Variants in DZANK1 observed in about 807,000 individuals in gnomAD.
DZANK1 encodes double zinc ribbon and ankyrin repeat-containing protein 1.
Under a neutral mutation model 94.5 loss-of-function variants are expected in DZANK1, and 91 were observed. The ratio of observed to expected loss-of-function variants is 0.96; its 90% confidence interval spans 0.81 to 1.15. The LOEUF (loss-of-function observed/expected upper bound fraction) is 1.15, where lower values mean the gene tolerates loss of function less well. Ranked by LOEUF, DZANK1 falls within the 50% of genes most tolerant of loss-of-function variation. The pLI, the probability that DZANK1 is intolerant of heterozygous loss-of-function variation, is 0.00. For missense variants in DZANK1, 903 were observed against 916.4 expected (o/e 0.99, Z 0.19); for synonymous variants, 312 against 325.3 (o/e 0.96, Z 0.44).
At position 18,464,570 on chromosome 20, in the gene DZANK1, C is replaced by A. The variant is rs1168853214; in HGVS notation, c.109+680G>T. Among the ~76,000 whole-genome samples the A allele has an allele frequency of 2.0e-5, 3 of 151,724 alleles. No homozygotes were observed. The South Asian group carries it at 6.2e-4, about 32-fold the overall frequency. On this transcript the variant is annotated intron_variant, in intron 2 of 20. Coordinates refer to ENST00000262547, the Ensembl canonical transcript of DZANK1. ...GAAGTTGTCAAGGCAGGGATTAAGT[C>A]TCCAACCTGTCTGACTGGAAAGCCT... is the stretch of plus-strand genomic sequence containing the variant.
intron 3 of DZANK1, among the ~76,000 whole-genome samples, chr20:18,457,652 C>T: frequency 6.6e-6 from 1 of 152,178 alleles, no homozygotes; most frequent in East Asian, 1.9e-4. Context: ...CATGGCCCAA[C>T]CTGACTGGCC....
At chr20:18,417,202 G>T (rs911369956) in intron 10 of DZANK1, among the ~76,000 whole-genome samples, 1 of 152,186 alleles carries the variant, frequency 6.6e-6, no homozygotes, top group Admixed American at 6.5e-5. Context: ...CATTCAGATA[G>T]AAATACAATT....
At chr20:18,397,975 T>A (rs1306355375) in intron 14 of DZANK1, among the ~76,000 whole-genome samples, 1 of 152,148 alleles carries the variant, frequency 6.6e-6, no homozygotes. Flanking sequence ...AGTCAAACAG[T>A]CACAGACCCG....
At chr20:18,433,834 AAG>A (rs1463179372) in intron 8 of DZANK1, 69 bp from the exon 9 acceptor site, 1 of 1,393,462 alleles carries the variant, frequency 7.2e-7, no homozygotes, top group Non-Finnish European at 1.0e-6. Context: ...CTTAGAATGT[AAG>A]GTTTGGTCTA....
At chr20:18,415,507 C>A in intron 10 of DZANK1, 58 bp from the exon 11 acceptor site, 1 of 1,319,796 alleles carries the variant, frequency 7.6e-7, no homozygotes, top group Non-Finnish European at 9.8e-7. Flanking sequence ...TAATCCCCCT[C>A]CCAATTCAAA....
intron 13 of DZANK1, among the ~76,000 whole-genome samples, chr20:18,411,169 T>C (rs1159179848): frequency 6.6e-6 from 1 of 151,982 alleles, no homozygotes; most frequent in African/African-American, 2.4e-5. Context: ...TTTAGTGAAA[T>C]ACAGAATATA....
intron 13 of DZANK1, among the ~76,000 whole-genome samples, chr20:18,408,661 G>T (rs1222981224): frequency 6.6e-6 from 1 of 152,178 alleles, no homozygotes; most frequent in African/African-American, 2.4e-5. Flanking sequence ...AATAGTATAT[G>T]TCTGGCAAAA....
chr20:18,384,971 T>TCACCACAGG, intron 20 of DZANK1, 45 bp downstream of exon 20: 1 of 1,514,368 alleles, frequency 6.6e-7, no homozygotes, highest in Non-Finnish European at 9.0e-7. Context: ...ATTAGGGAGA[T>TCACCACAGG]CCCTGTGGCC....
At chr20:18,439,144 T>C (rs2058638475) in intron 8 of DZANK1, among the ~76,000 whole-genome samples, 1 of 152,226 alleles carries the variant, frequency 6.6e-6, no homozygotes, top group Non-Finnish European at 1.5e-5. Context: ...AGTGGTGTTC[T>C]GAATCTCTAA....
intron 8 of DZANK1, among the ~76,000 whole-genome samples, chr20:18,439,633 A>T (rs1252018641): frequency 6.6e-6 from 1 of 152,158 alleles, no homozygotes; most frequent in African/African-American, 2.4e-5. Flanking sequence ...AACTCCTCTA[A>T]ATAGCAGCAT....
chr20:18,397,161 T>C (rs1479537893), intron 14 of DZANK1, among the ~76,000 whole-genome samples: 3 of 152,176 alleles, frequency 2.0e-5, no homozygotes, highest in African/African-American at 4.8e-5. Context: ...TTTATAAAAT[T>C]GGGCAGCGGG....
At chr20:18,392,289 T>C (rs192803389) in intron 17 of DZANK1, among the ~76,000 whole-genome samples, 1 of 152,300 alleles carries the variant, frequency 6.6e-6, no homozygotes, top group Admixed American at 6.5e-5. Context: ...AATCCTAAAA[T>C]ACAAAAGTTG....
chr20:18,454,979 G>A (rs1265047564), intron 4 of DZANK1, among the ~76,000 whole-genome samples: 3 of 152,184 alleles, frequency 2.0e-5, no homozygotes, highest in Non-Finnish European at 4.4e-5. Flanking sequence ...AAAGGTTTCT[G>A]GTTTTTTCAG....
At chr20:18,456,483 G>A (rs549612790) in intron 3 of DZANK1, among the ~76,000 whole-genome samples, 1 of 152,296 alleles carries the variant, frequency 6.6e-6, no homozygotes, top group South Asian at 2.1e-4. Context: ...TTCAGTCAAT[G>A]TAATGTACAC....
At chr20:18,451,306 A>G (rs543755815) in intron 6 of DZANK1, among the ~76,000 whole-genome samples, 7 of 152,222 alleles carry the variant, frequency 4.6e-5, no homozygotes, top group Non-Finnish European at 7.4e-5. Context: ...TGAATTTCCA[A>G]TTGTCTGTCT....
In DZANK1 at chr20:18,384,427, GT is replaced by G. The variant is rs762396038; in HGVS notation, c.2230del (p.Thr744LeufsTer54). ...ACAGTCATCCAGGCTGAGGCTCCTA[GT>G]TTGAGCGAGTTGGTCCTCAAGCCCT... On this transcript the variant is annotated frameshift_variant, in exon 21 of 21. Coordinates refer to ENST00000262547, the Ensembl canonical transcript of DZANK1. LOFTEE classifies it high-confidence loss of function. The G allele has an allele frequency of 1.2e-6, 2 of 1,611,706 alleles. No individual in the cohort carries two copies. The highest frequency in any genetic ancestry group is 2.2e-5 in the South Asian group (2 of 90,378).
At chr20:18,451,290 C>T (rs2059091516) in intron 6 of DZANK1, among the ~76,000 whole-genome samples, 1 of 152,182 alleles carries the variant, frequency 6.6e-6, no homozygotes, top group Admixed American at 6.5e-5. Context: ...CTTGTCAAAG[C>T]CAATGTGAAT....
At chr20:18,399,472 T>C (rs771198161) in intron 13 of DZANK1, among the ~76,000 whole-genome samples, 2 of 152,134 alleles carry the variant, frequency 1.3e-5, no homozygotes, top group Non-Finnish European at 2.9e-5. Flanking sequence ...TCAAGTGATC[T>C]GCTTGCTTTA....
At chr20:18,394,373 C>T (rs767201818) in intron 15 of DZANK1, 23 bp from the exon 16 acceptor site, 2 of 1,606,270 alleles carry the variant, frequency 1.2e-6, no homozygotes, top group Non-Finnish European at 8.5e-7. Context: ...AACATTTAAA[C>T]ACCATGAATG....
Sources: allele counts gnomAD v4.1 joint callset (sites outside exome capture counted in the v4.1 genomes callset), GRCh38; gene constraint gnomAD v4.1.1; transcripts MANE v1.5; gene names NCBI Gene and HGNC (gene_info 2026-07-23, HGNC 2026-07-21).